Variants in ATP5MK observed in about 807,000 individuals in gnomAD.
ATP5MK encodes ATP synthase membrane subunit k.
Under a neutral mutation model 6.6 loss-of-function variants are expected in ATP5MK, and 5 were observed. That is an observed-to-expected ratio of 0.76 (90% CI 0.40 to 1.60). The LOEUF is 1.60. Ranked by LOEUF, ATP5MK falls within the 40% of genes most tolerant of loss-of-function variation. The probability of loss-of-function intolerance (pLI) is 0.02; values close to 1 mark genes in which losing one functional copy is unlikely to be tolerated. For missense variants in ATP5MK, 57 were observed against 66.6 expected (o/e 0.86, Z 0.50); for synonymous variants, 30 against 24.5 (o/e 1.22, Z -0.66).
intron 4 of ATP5MK, among the ~76,000 whole-genome samples, chr10:103,389,688 A>G (rs1473013770): frequency 6.6e-6 from 1 of 152,080 alleles, no homozygotes; most frequent in African/African-American, 2.4e-5. Flanking sequence ...ATTTAGTATG[A>G]TCCTAAAGGT....
intron 2 of ATP5MK, 104 bp from the exon 3 acceptor site, chr10:103,392,570 TAA>T: frequency 6.5e-6 from 5 of 764,542 alleles, no homozygotes; most frequent in Non-Finnish European, 1.0e-5. Flanking sequence ...TCACTGCATA[TAA>T]ATACTGTAAA....
intron 2 of ATP5MK, among the ~76,000 whole-genome samples, chr10:103,395,497 C>T (rs2093429964): frequency 1.3e-5 from 2 of 151,932 alleles, no homozygotes; most frequent in Admixed American, 6.6e-5. Context: ...GGGGTTTCAC[C>T]ATACTACTCA....
chr10:103,390,369 C>T (rs1424500711), intron 4 of ATP5MK, among the ~76,000 whole-genome samples: 1 of 152,128 alleles, frequency 6.6e-6, no homozygotes, highest in Non-Finnish European at 1.5e-5. Context: ...TGGCATGCAC[C>T]TGAAATCCCA....
chr10:103,389,716 T>A (rs879780616), intron 4 of ATP5MK, among the ~76,000 whole-genome samples: 1 of 152,106 alleles, frequency 6.6e-6, no homozygotes, highest in Non-Finnish European at 1.5e-5. Flanking sequence ...TGGAAAAGTC[T>A]AGCATATAAA....
intron 4 of ATP5MK, among the ~76,000 whole-genome samples, chr10:103,390,856 T>C (rs1203963167): frequency 6.6e-6 from 1 of 151,806 alleles, no homozygotes; most frequent in Non-Finnish European, 1.5e-5. Flanking sequence ...GCTTTCCACA[T>C]ATCACCCATT....
chr10:103,391,954 T>A (rs1490829076), intron 4 of ATP5MK, among the ~76,000 whole-genome samples: 1 of 151,968 alleles, frequency 6.6e-6, no homozygotes, highest in Non-Finnish European at 1.5e-5. Context: ...AGAGATGGGG[T>A]TTCATCATGT....
At chr10:103,393,317 C>T (rs887798331) in intron 2 of ATP5MK, among the ~76,000 whole-genome samples, 19 of 152,142 alleles carry the variant, frequency 1.2e-4, no homozygotes, top group African/African-American at 4.6e-4. Flanking sequence ...CACGGTGGCT[C>T]ATGCCTGTAA....
intron 2 of ATP5MK, among the ~76,000 whole-genome samples, chr10:103,395,219 A>G (rs749331556): frequency 4.6e-5 from 7 of 151,784 alleles, no homozygotes; most frequent in Non-Finnish European, 8.8e-5. Flanking sequence ...AGATAAAGGA[A>G]CCCTTGTGTT....
chr10:103,389,149 C>T lies in ATP5MK; in HGVS notation c.*21G>A, dbSNP rs1477069628. 1.3e-5 allele frequency: 2 copies of T among 152,458 alleles called. No individual in the cohort carries two copies. Among genetic ancestry groups the T allele is most frequent in the Non-Finnish European group, 2.9e-5 (2 of 68,040 alleles). The allele number at this position is 152,458 out of a possible 1,614,324, so 9.4% of individuals were successfully genotyped here. ...GAACTTAACAGATGAGGTTAAGAAC[C>T]GTAGACAGTTTAAAATCCTATAAAC... On this transcript the variant is annotated 3_prime_UTR_variant, in exon 5 of 5. Transcript: ENST00000369815.
At chr10:103,394,464 A>C (rs915910420) in intron 2 of ATP5MK, 1 of 426,510 alleles carries the variant, frequency 2.3e-6, no homozygotes, top group Non-Finnish European at 5.1e-6. Flanking sequence ...TCCCCCATTC[A>C]AAGGCTTTCA....
chr10:103,390,806 T>C (rs1361122693), intron 4 of ATP5MK, among the ~76,000 whole-genome samples: 3 of 149,910 alleles, frequency 2.0e-5, no homozygotes, highest in Admixed American at 6.7e-5. Context: ...AAAAAAAGTC[T>C]GCGAAGGAGA....
chr10:103,389,586 G>A (rs1053041638), intron 4 of ATP5MK, among the ~76,000 whole-genome samples: 1 of 151,972 alleles, frequency 6.6e-6, no homozygotes, highest in Non-Finnish European at 1.5e-5. Flanking sequence ...GCCTCCCAAA[G>A]TACTGGGATT....
intron 4 of ATP5MK, 70 bp downstream of exon 4, chr10:103,392,121 A>G: frequency 7.1e-7 from 1 of 1,402,964 alleles, no homozygotes; most frequent in Non-Finnish European, 9.8e-7. Flanking sequence ...TTATTTTTAT[A>G]CTAAATGTTA....
In ATP5MK at chr10:103,393,594, T is replaced by A. The variant is rs568422358; in HGVS notation, c.-9-1128A>T. Among the ~76,000 whole-genome samples, 1,405 of 147,316 alleles carry A rather than the reference T, an allele frequency of 9.5e-3. 9 individuals carry two copies. Among genetic ancestry groups the A allele is most frequent in the Middle Eastern group, 0.025 (7 of 280 alleles). On this transcript the variant is annotated intron_variant, in intron 2 of 4. Transcript: ENST00000369815. ...GACGCCGTCTCAAAAAAAAAAAAAA[T>A]AAATAAATAAAAAATAAATAAACTG...
chr10:103,392,747 C>A (rs2093418355), intron 2 of ATP5MK, among the ~76,000 whole-genome samples: 1 of 152,128 alleles, frequency 6.6e-6, no homozygotes, highest in Admixed American at 6.5e-5. Context: ...TTCTCTGACC[C>A]AATACAGCTT....
Position 103,392,395 on chromosome 10 carries a change from A to G in ATP5MK, c.63T>C (p.Ser21=), listed in dbSNP as rs1195769734. ...QFTGIKKYFN[S]YTLTGRMNCV... ...CGTTCATTCTACCTGTGAGAGTATA[A>G]GAGTTGAAATATTTTTTAATACCAG... The change falls in exon 3 of 5, where the codon TCT becomes TCC. Residue 21 remains serine, a synonymous_variant. Transcript: ENST00000369815. 3 of 1,608,270 alleles carry G rather than the reference A, an allele frequency of 1.9e-6. No homozygotes were observed. Among genetic ancestry groups the G allele is most frequent in the South Asian group, 2.2e-5 (2 of 89,172 alleles).
chr10:103,389,150 G>A lies in ATP5MK; in HGVS notation c.*20C>T, dbSNP rs759407639. 5.2e-5 allele frequency: 8 copies of A among 152,528 alleles called. No homozygotes were observed. The highest frequency in any genetic ancestry group is 1.9e-4 in the East Asian group (1 of 5,202). 9.4% of individuals were successfully genotyped at this position (152,528 alleles called of 1,614,324 possible). A position where few individuals can be genotyped will look rare whatever the true frequency, so the allele number is the denominator to read the frequency against. Reference sequence around the variant, plus strand: ...AACTTAACAGATGAGGTTAAGAACCGTAGACAGTTTAAAATCCTATAAACA... The same window carrying A: ...AACTTAACAGATGAGGTTAAGAACCATAGACAGTTTAAAATCCTATAAACA... On this transcript the variant is annotated 3_prime_UTR_variant, in exon 5 of 5. Transcript: ENST00000369815.
At chr10:103,389,200 T>C (rs2093405780) in intron 4 of ATP5MK, 34 bp from the exon 5 acceptor site, 1 of 152,276 alleles carries the variant, frequency 6.6e-6, no homozygotes, top group Non-Finnish European at 1.5e-5. Flanking sequence ...GATACAAATG[T>C]GGCCAGCTTT....
chr10:103,389,143 A>G lies in ATP5MK; in HGVS notation c.*27T>C. ...GCATGGGAACTTAACAGATGAGGTT[A>G]AGAACCGTAGACAGTTTAAAATCCT... On this transcript the variant is annotated 3_prime_UTR_variant, in exon 5 of 5. Coordinates refer to ENST00000369815, the MANE Select transcript of ATP5MK (RefSeq NM_001206427.2). The G allele has an allele frequency of 6.6e-6, 1 of 152,640 alleles. No individual in the cohort carries two copies. Among genetic ancestry groups the G allele is most frequent in the East Asian group, 1.9e-4 (1 of 5,206 alleles). 9.5% of individuals were successfully genotyped at this position (152,640 alleles called of 1,614,324 possible).
Sources: gnomAD v4.1 joint callset for allele counts (sites outside exome capture counted in the v4.1 genomes callset) on GRCh38, gnomAD v4.1.1 for gene constraint, MANE v1.5 for transcripts, NCBI Gene and HGNC (gene_info 2026-07-23, HGNC 2026-07-21) for gene names.